The following ERCC6L variants were observed in gnomAD, a reference collection of about 807,000 sequenced individuals.
ERCC6L encodes the protein DNA excision repair protein ERCC-6-like.
A neutral mutation model predicts 20.1 loss-of-function variants in ERCC6L; 7 were observed. That is an observed-to-expected ratio of 0.35 (90% confidence interval 0.20 to 0.65). ERCC6L has a LOEUF of 0.65. Ranked by LOEUF, ERCC6L falls within the 30% of genes least tolerant of loss-of-function variation. The pLI, the probability that ERCC6L is intolerant of heterozygous loss-of-function variation, is 0.69. For missense variants in ERCC6L, 592 were observed against 892.4 expected (o/e 0.66, Z 4.29); for synonymous variants, 278 against 331.3 (o/e 0.84, Z 1.75).
chrX:72,227,256 C>T lies in ERCC6L; in HGVS notation c.68+11588G>A, dbSNP rs138276459. On this transcript the variant is annotated intron_variant, in intron 1 of 1. Coordinates refer to ENST00000334463, the MANE Select transcript of ERCC6L (RefSeq NM_017669.4). ...TCAGGGTGCCTCTTTCTTTTCAATCCGACAATGGTCCTGAATTCATCTCTC... is the reference window on the plus strand; with the variant it reads ...TCAGGGTGCCTCTTTCTTTTCAATCTGACAATGGTCCTGAATTCATCTCTC... 8.3e-3 allele frequency among the ~76,000 whole-genome samples: 931 copies of T among 111,729 alleles called. 8 individuals carry two copies. The highest frequency in any genetic ancestry group is 0.029 in the African/African-American group (885 of 30,735).
At chrX:72,222,847 C>T (rs932657711) in intron 1 of ERCC6L, among the ~76,000 whole-genome samples, 7 of 106,510 alleles carry the variant, frequency 6.6e-5, no homozygotes, top group South Asian at 4.3e-4. Context: ...CCACCCGCCT[C>T]GGCCTCCCAA....
At chrX:72,238,771 G>T in intron 1 of ERCC6L, 73 bp downstream of exon 1, 1 of 1,012,773 alleles carries the variant, frequency 9.9e-7, no homozygotes, top group Non-Finnish European at 1.4e-6. Flanking sequence ...GTCCCCAGGA[G>T]GATCCGGGGG....
chrX:72,215,939 C>T (rs1295475030), intron 1 of ERCC6L, among the ~76,000 whole-genome samples: 1 of 110,504 alleles, frequency 9.0e-6, no homozygotes, highest in Non-Finnish European at 1.9e-5. Flanking sequence ...ATCCACATAT[C>T]CCCTATAAAA....
intron 1 of ERCC6L, among the ~76,000 whole-genome samples, chrX:72,235,714 C>G (rs2043013751): frequency 1.8e-5 from 2 of 111,857 alleles, no homozygotes; most frequent in Non-Finnish European, 3.8e-5. Flanking sequence ...TTTAAGCACC[C>G]TGTGATTACA....
At chrX:72,219,684 C>T (rs2042910760) in intron 1 of ERCC6L, among the ~76,000 whole-genome samples, 2 of 108,502 alleles carry the variant, frequency 1.8e-5, no homozygotes, top group Non-Finnish European at 3.8e-5. Flanking sequence ...CCCGCCTCTA[C>T]TAAAAATACA....
In ERCC6L at chrX:72,208,553, C is replaced by T. The variant is rs141181241; in HGVS notation, c.214G>A (p.Glu72Lys). 18 of 1,210,302 alleles carry T rather than the reference C, an allele frequency of 1.5e-5. No homozygotes were observed. The African/African-American group carries it at 3.1e-4, about 21-fold the overall frequency. Residue 72 changes from glutamate (E) to lysine (K), a missense_variant, in exon 2 of 2, where the codon GAA becomes AAA. Physicochemically the swap from Glu to Lys is moderately conservative, Grantham distance 56. Around this residue, in one of 3 missense-constraint regions of ERCC6L, gnomAD observed 44 missense variants for 49.8 expected, o/e 0.88. Transcript: ENST00000334463. ...KIQEALEELAEQGDDEFTDVC... is the reference protein window; with the variant it reads ...KIQEALEELAKQGDDEFTDVC... ...TCTGTAAATTCATCATCTCCCTGTT[C>T]TGCCAACTCCTCCAAGGCTTCCTGT...
intron 1 of ERCC6L, among the ~76,000 whole-genome samples, chrX:72,219,170 C>T (rs1449973198): frequency 1.8e-5 from 2 of 111,584 alleles, no homozygotes; most frequent in Non-Finnish European, 3.8e-5. Flanking sequence ...GCAGGAGAAT[C>T]GCTTGAACCC....
intron 1 of ERCC6L, among the ~76,000 whole-genome samples, chrX:72,225,263 C>T (rs1376139352): frequency 8.9e-6 from 1 of 112,160 alleles, no homozygotes; most frequent in Non-Finnish European, 1.9e-5. Context: ...CCTGGACTGT[C>T]CTCCCCCAGG....
rs767894899 is a variant in ERCC6L at position 72,205,846 on chromosome X, T to G, written c.2921A>C (p.His974Pro). The change falls in exon 2 of 2, where the codon CAT (histidine) becomes CCT (proline). Residue 974 changes from histidine (H) to proline (P), a missense_variant. Physicochemically the swap from His to Pro is moderately conservative, Grantham distance 77. This residue lies in a region of ERCC6L where 352 missense variants were observed against 402.6 expected (regional missense o/e 0.87). Transcript: ENST00000334463. Reference sequence around the variant, plus strand: ...ACACAAGCTATTTTCTTTCTCAACATGCTCTAAAGACTGACTGGAAAAATT... The same window carrying G: ...ACACAAGCTATTTTCTTTCTCAACAGGCTCTAAAGACTGACTGGAAAAATT... ...RQNFSSQSLEHVEKENSLCGS... is the reference protein window; with the variant it reads ...RQNFSSQSLEPVEKENSLCGS... 5.0e-6 allele frequency: 6 copies of G among 1,211,882 alleles called. No individual in the cohort carries two copies. In the South Asian group the frequency reaches 1.1e-4, roughly 21 times the overall value.
chrX:72,208,831 C>T lies in ERCC6L; in HGVS notation c.69-133G>A, dbSNP rs895265423. The T allele has an allele frequency of 5.8e-6, 3 of 519,896 alleles. No individual in the cohort carries two copies. The South Asian group carries it at 1.2e-4, about 21-fold the overall frequency. The allele number at this position is 519,896 out of a possible 1,213,427, so 42.8% of individuals were successfully genotyped here. ...CTCAATTCAGGATGGGAAAGATTAG[C>T]ACACAAGATGCCAATGAAAGCTGGC... On this transcript the variant is annotated intron_variant, in intron 1 of 1. Coordinates refer to ENST00000334463, the MANE Select transcript of ERCC6L (RefSeq NM_017669.4).
At chrX:72,229,337 T>G (rs1207337152) in intron 1 of ERCC6L, among the ~76,000 whole-genome samples, 1 of 111,976 alleles carries the variant, frequency 8.9e-6, no homozygotes, top group African/African-American at 3.2e-5. Flanking sequence ...TGACAGCCTC[T>G]CTCTCAGCCA....
At chrX:72,227,102 C>T (rs779949264) in intron 1 of ERCC6L, among the ~76,000 whole-genome samples, 2 of 112,022 alleles carry the variant, frequency 1.8e-5, no homozygotes, top group Non-Finnish European at 3.8e-5. Flanking sequence ...CATATGCCCC[C>T]AGTTAAAAAG....
At chrX:72,225,794 A>G (rs2042950323) in intron 1 of ERCC6L, among the ~76,000 whole-genome samples, 1 of 110,700 alleles carries the variant, frequency 9.0e-6, no homozygotes, top group Admixed American at 9.6e-5. Context: ...ACCCCCTGAG[A>G]TCCTTTCGTC....
chrX:72,218,534 C>G (rs2042900685), intron 1 of ERCC6L, among the ~76,000 whole-genome samples: 1 of 106,169 alleles, frequency 9.4e-6, no homozygotes, highest in Non-Finnish European at 1.9e-5. Flanking sequence ...CGCTCTGTCA[C>G]CCAGGCTGGA....
At chrX:72,234,999 C>T in intron 1 of ERCC6L, among the ~76,000 whole-genome samples, 1 of 112,005 alleles carries the variant, frequency 8.9e-6, no homozygotes, top group Non-Finnish European at 1.9e-5. Context: ...TAAGACCAGT[C>T]ACATGATTGT....
rs892705988 is a variant in ERCC6L, at chrX:72,204,869, G to C, written c.*145C>G. On this transcript the variant is annotated 3_prime_UTR_variant, in exon 2 of 2. Transcript: ENST00000334463. ...GCTCAGAATACCAGACTATGGAGTGGGGGGCGTTGCAGGGCAGAAGTTGCT... is the reference window on the plus strand; with the variant it reads ...GCTCAGAATACCAGACTATGGAGTGCGGGGCGTTGCAGGGCAGAAGTTGCT... 2 of 414,942 alleles carry C rather than the reference G, an allele frequency of 4.8e-6. No homozygotes were observed. Among genetic ancestry groups the C allele is most frequent in the Non-Finnish European group, 4.0e-6 (1 of 247,306 alleles). The allele number at this position is 414,942 out of a possible 1,213,427, so 34.2% of individuals were successfully genotyped here. A position where few individuals can be genotyped will look rare whatever the true frequency, so the allele number is the denominator to read the frequency against.
At position 72,219,410 on chromosome X, in the gene ERCC6L, C is replaced by T. The variant is rs780957029; in HGVS notation, c.69-10712G>A. 2.0e-3 allele frequency among the ~76,000 whole-genome samples: 213 copies of T among 105,158 alleles called. 1 individual carries two copies. The highest frequency in any genetic ancestry group is 2.5e-3 in the Non-Finnish European group (127 of 51,469). The allele number at this position is 105,158 out of a possible 115,157, so 91.3% of individuals were successfully genotyped here. The stretch of plus-strand genomic sequence containing the variant: ...CTCTACTAAAAATACAAAAATTAGC[C>T]GGGCGTGGTGGCCTGCGCCTGAAAT... On this transcript the variant is annotated intron_variant, in intron 1 of 1. Coordinates refer to ENST00000334463, the MANE Select transcript of ERCC6L (RefSeq NM_017669.4).
intron 1 of ERCC6L, among the ~76,000 whole-genome samples, chrX:72,232,754 G>A (rs1217442791): frequency 1.8e-5 from 2 of 111,867 alleles, no homozygotes; most frequent in Non-Finnish European, 3.8e-5. Context: ...AGGTTGCAGT[G>A]AGCTGAGATC....
rs1391687741 is a variant in ERCC6L, at chrX:72,206,139, A to G, written c.2628T>C (p.Asp876=). 3.6e-5 allele frequency: 43 copies of G among 1,210,519 alleles called. No homozygotes were observed. The highest frequency in any genetic ancestry group is 4.7e-5 in the Non-Finnish European group (42 of 895,336). The part of the protein sequence containing the change: ...NYVLSKSTKA[D]IGPNLDQLKD... ...TTAGTTGATCTAAATTTGGCCCAAT[A>G]TCAGCTTTGGTTGATTTGCTAAGTA... Residue 876 remains aspartate, a synonymous_variant, in exon 2 of 2, where the codon GAT becomes GAC. Coordinates refer to ENST00000334463, the MANE Select transcript of ERCC6L (RefSeq NM_017669.4).
Sources: gnomAD v4.1 joint callset for allele counts (sites outside exome capture counted in the v4.1 genomes callset) on GRCh38, gnomAD v4.1.1 for gene constraint, gnomAD v4.1.1 regional missense constraint, MANE v1.5 for transcripts, NCBI Gene and HGNC (gene_info 2026-07-23, HGNC 2026-07-21) for gene names.